MAFK: variants seen among roughly 807,000 people sequenced by gnomAD.
The protein encoded by MAFK is MAF bZIP transcription factor K, also known as transcription factor MafK.
A neutral mutation model predicts 9.2 loss-of-function variants in MAFK; 1 was observed. That is an observed-to-expected ratio of 0.11 (90% CI 0.04 to 0.52). The LOEUF is 0.52. MAFK is among the 20% of genes least tolerant of loss of function. The probability of loss-of-function intolerance (pLI) is 0.94; values close to 1 mark genes in which losing one functional copy is unlikely to be tolerated. For missense variants in MAFK, 207 were observed against 236.0 expected (o/e 0.88, Z 0.81); for synonymous variants, 110 against 107.4 (o/e 1.02, Z -0.15).
chr7:1,539,559 G>A (rs903410812), intron 2 of MAFK, among the ~76,000 whole-genome samples: 1 of 152,134 alleles, frequency 6.6e-6, no homozygotes, highest in East Asian at 1.9e-4. Flanking sequence ...TCTGGTGAAC[G>A]CGATGCTCCA....
intron 1 of MAFK, among the ~76,000 whole-genome samples, chr7:1,537,108 C>T (rs1487403080): frequency 6.6e-6 from 1 of 152,240 alleles, no homozygotes; most frequent in Admixed American, 6.5e-5. Flanking sequence ...CCGTGTGCCT[C>T]CGCAGTGTCA....
At chr7:1,531,381 C>G (rs958786756) in intron 1 of MAFK, among the ~76,000 whole-genome samples, 2 of 152,142 alleles carry the variant, frequency 1.3e-5, no homozygotes, top group Non-Finnish European at 2.9e-5. Context: ...CCCCGCGCTT[C>G]CTCCCGGTGA....
At chr7:1,537,770 G>A in intron 1 of MAFK, 3 of 917,920 alleles carry the variant, frequency 3.3e-6, no homozygotes, top group South Asian at 1.0e-4. Context: ...AGGGCTGGAG[G>A]GTGGAGGGAT....
At chr7:1,539,025 G>C (rs745762549) in intron 1 of MAFK, 124 bp from the exon 2 acceptor site, 15 of 755,508 alleles carry the variant, frequency 2.0e-5, no homozygotes, top group Non-Finnish European at 2.7e-5. Context: ...GCCCCGTCTT[G>C]TTTTCATGGT....
At chr7:1,536,130 C>T (rs1004284325) in intron 1 of MAFK, among the ~76,000 whole-genome samples, 2 of 152,228 alleles carry the variant, frequency 1.3e-5, no homozygotes, top group African/African-American at 4.8e-5. Flanking sequence ...GCGCTGCTCC[C>T]GGGACGTGGG....
Position 1,539,935 on chromosome 7 carries a change from C to T in MAFK, c.37-6C>T, listed in dbSNP as rs1021206037. The T allele has an allele frequency of 6.6e-7, 1 of 1,519,688 alleles. No homozygotes were observed. Among genetic ancestry groups the T allele is most frequent in the Non-Finnish European group, 8.9e-7 (1 of 1,129,008 alleles). 94.1% of individuals were successfully genotyped at this position (1,519,688 alleles called of 1,614,324 possible). On this transcript the variant is annotated splice_polypyrimidine_tract_variant and splice_region_variant and intron_variant, in intron 2 of 2. Transcript: ENST00000343242. ...CCGCCGCTGACCCCGCACTGTGGCC[C>T]CCCAGGTCAAGAAGGAGGCGGGCGA... is the stretch of plus-strand genomic sequence containing the variant.
At position 1,541,089 on chromosome 7, in the gene MAFK, G is replaced by C. The variant is rs1158025230; in HGVS notation, c.*714G>C. The C allele has an allele frequency of 6.5e-6, 1 of 153,280 alleles. No homozygotes were observed. Among genetic ancestry groups the C allele is most frequent in the Non-Finnish European group, 1.5e-5 (1 of 68,470 alleles). 9.5% of individuals were successfully genotyped at this position (153,280 alleles called of 1,614,324 possible). ...GCTGGTGTTCACTGGGGGAGGGCCT[G>C]TGGGCACACATGGCAGAGAGAGTGG... On this transcript the variant is annotated 3_prime_UTR_variant, in exon 3 of 3. Coordinates refer to ENST00000343242, the MANE Select transcript of MAFK (RefSeq NM_002360.4).
rs1014423795 is a variant in MAFK at position 1,540,492 on chromosome 7, C to T, written c.*117C>T. The T allele has an allele frequency of 2.7e-4, 291 of 1,066,438 alleles. 1 individual carries two copies. The highest frequency in any genetic ancestry group is 1.3e-4 in the East Asian group (5 of 37,676). 66.1% of individuals were successfully genotyped at this position (1,066,438 alleles called of 1,614,324 possible). ...CGACATCCGAGTCCAAGCGCAGGCC[C>T]CTCGGGCGCAGGCAGCTCACACCAG... On this transcript the variant is annotated 3_prime_UTR_variant, in exon 3 of 3. Coordinates refer to ENST00000343242, the MANE Select transcript of MAFK (RefSeq NM_002360.4).
In MAFK at chr7:1,530,858, C is replaced by G. The variant is rs1783885663; in HGVS notation, c.-85C>G. 1 of 136,594 alleles carries G rather than the reference C, an allele frequency of 7.3e-6. No individual in the cohort carries two copies. The highest frequency in any genetic ancestry group is 2.6e-5 in the African/African-American group (1 of 37,794). The allele number at this position is 136,594 out of a possible 1,614,324, so 8.5% of individuals were successfully genotyped here. On this transcript the variant is annotated 5_prime_UTR_variant, in exon 1 of 3. Coordinates refer to ENST00000343242, the MANE Select transcript of MAFK (RefSeq NM_002360.4). Reference sequence around the variant, plus strand: ...CCGGCGCGAGGACAGCGCGTGCCCGCGAGGAGCCGCCGCGCGCCCGCGCCC... The same window carrying G: ...CCGGCGCGAGGACAGCGCGTGCCCGGGAGGAGCCGCCGCGCGCCCGCGCCC...
At chr7:1,531,053 C>T (rs1389317453) in intron 1 of MAFK, among the ~76,000 whole-genome samples, 155 bp downstream of exon 1, 1 of 147,170 alleles carries the variant, frequency 6.8e-6, no homozygotes, top group African/African-American at 2.5e-5. Context: ...CTCATGCGGC[C>T]CGCGGCGCGG....
chr7:1,540,389 C>T lies in MAFK; in HGVS notation c.*14C>T, dbSNP rs374770359. 192 of 230,962 alleles carry T rather than the reference C, an allele frequency of 8.3e-4. 2 individuals carry two copies. The highest frequency in any genetic ancestry group is 7.8e-3 in the African/African-American group (161 of 20,628). The allele number at this position is 230,962 out of a possible 1,614,324, so 14.3% of individuals were successfully genotyped here. On this transcript the variant is annotated 3_prime_UTR_variant, in exon 3 of 3. Transcript: ENST00000343242. ...GCTGCATCCTAGTGCCGGCCGGGGGCGGGGGGTGGCGGGCGGCGGGCGGCG... is the reference window on the plus strand; with the variant it reads ...GCTGCATCCTAGTGCCGGCCGGGGGTGGGGGGTGGCGGGCGGCGGGCGGCG...
chr7:1,534,822 C>T lies in MAFK; in HGVS notation c.-45+3924C>T, dbSNP rs748202944. 427 of 355,244 alleles carry T rather than the reference C, an allele frequency of 1.2e-3. 1 individual carries two copies. Among genetic ancestry groups the T allele is most frequent in the Non-Finnish European group, 2.0e-3 (347 of 174,740 alleles). The allele number at this position is 355,244 out of a possible 1,614,324, so 22.0% of individuals were successfully genotyped here. On this transcript the variant is annotated intron_variant, in intron 1 of 2. Transcript: ENST00000343242. The surrounding 1 kb of genome is among the most constrained non-coding windows in gnomAD (Gnocchi z 4.3). ...ATCAGAGCCCCAAAGCTGAAATCCC[C>T]GTTTCTCTATGGGCATCCACAGCCG... is the stretch of plus-strand genomic sequence containing the variant.
At chr7:1,531,395 G>A (rs1783901441) in intron 1 of MAFK, among the ~76,000 whole-genome samples, 1 of 152,182 alleles carries the variant, frequency 6.6e-6, no homozygotes, top group East Asian at 1.9e-4. Context: ...CCGGTGACGG[G>A]CGGCGCTCTG....
At chr7:1,535,646 T>A (rs1784008955) in intron 1 of MAFK, among the ~76,000 whole-genome samples, 1 of 152,204 alleles carries the variant, frequency 6.6e-6, no homozygotes, top group South Asian at 2.1e-4. Flanking sequence ...TGACACCTTG[T>A]CTCTAAAATG....
chr7:1,538,568 G>A (rs934121486), intron 1 of MAFK: 45 of 440,520 alleles, frequency 1.0e-4, no homozygotes, highest in Admixed American at 7.0e-4. Flanking sequence ...GCCCCCTCTC[G>A]GGGATCCAGG....
rs371602175 is a variant in MAFK, at chr7:1,542,313, T to C, written c.*1938T>C. The stretch of plus-strand genomic sequence containing the variant: ...TTCTTTTCCAGTTTGATACTGTAAA[T>C]CTATCAGAGCAGAGCCGGGGGCACG... On this transcript the variant is annotated 3_prime_UTR_variant, in exon 3 of 3. Transcript: ENST00000343242. 6.7e-4 allele frequency: 102 copies of C among 152,746 alleles called. No homozygotes were observed. The highest frequency in any genetic ancestry group is 2.4e-3 in the African/African-American group (100 of 41,596). The allele number at this position is 152,746 out of a possible 1,614,324, so 9.5% of individuals were successfully genotyped here. A position where few individuals can be genotyped will look rare whatever the true frequency, so the allele number is the denominator to read the frequency against.
At chr7:1,538,845 G>A in intron 1 of MAFK, 1 of 305,616 alleles carries the variant, frequency 3.3e-6, no homozygotes, top group Non-Finnish European at 6.1e-6. Context: ...GGCAGCAGGG[G>A]GCCGCACCTG....
Position 1,540,451 on chromosome 7 carries a change from C to T in MAFK, c.*76C>T. The stretch of plus-strand genomic sequence containing the variant: ...GGGGGCACACCCCTCGTACCTGTCA[C>T]TGGGATGCAGACTCTCGACATCCGA... On this transcript the variant is annotated 3_prime_UTR_variant, in exon 3 of 3. Transcript: ENST00000343242. The T allele has an allele frequency of 7.7e-7, 1 of 1,307,138 alleles. No homozygotes were observed. The highest frequency in any genetic ancestry group is 1.0e-6 in the Non-Finnish European group (1 of 971,076). The allele number at this position is 1,307,138 out of a possible 1,614,324, so 81.0% of individuals were successfully genotyped here. A position where few individuals can be genotyped will look rare whatever the true frequency, so the allele number is the denominator to read the frequency against.
In MAFK at chr7:1,532,680, T is replaced by G. The variant is rs6978890; in HGVS notation, c.-45+1782T>G. Among the ~76,000 whole-genome samples the G allele has an allele frequency of 1.8e-4, 27 of 152,210 alleles. No individual in the cohort carries two copies. The highest frequency in any genetic ancestry group is 3.5e-4 in the Non-Finnish European group (24 of 68,044). On this transcript the variant is annotated intron_variant, in intron 1 of 2. Transcript: ENST00000343242. This position sits in a 1 kb window ranked among gnomAD's most constrained non-coding sequence, Gnocchi z 4.5. The stretch of plus-strand genomic sequence containing the variant: ...GAGACCGTCTTCCGGGCCACTTCGC[T>G]GTCTACAAGGCGTGTGCTTTCACCC...
Sources: gnomAD v4.1 joint callset for allele counts (sites outside exome capture counted in the v4.1 genomes callset) on GRCh38, gnomAD v4.1.1 for gene constraint, Gnocchi (gnomAD v3.1) non-coding constraint, MANE v1.5 for transcripts, NCBI Gene and HGNC (gene_info 2026-07-23, HGNC 2026-07-21) for gene names.